CARM1: variants seen among roughly 807,000 people sequenced by gnomAD.
CARM1 encodes coactivator associated arginine methyltransferase 1, also known as histone-arginine methyltransferase CARM1.
CARM1 carries 14 observed loss-of-function variants against 72.7 expected under a neutral mutation model. The observed-to-expected ratio is 0.19, with a 90% CI of 0.13 to 0.30. CARM1 has a LOEUF of 0.30. CARM1 is among the 10% of genes least tolerant of loss of function. CARM1 has a pLI of 1.00. For synonymous variants in CARM1, 333 were observed against 345.5 expected (o/e 0.96, Z 0.40); for missense variants, 432 against 833.7 (o/e 0.52, Z 5.93).
intron 3 of CARM1, 139 bp from the exon 4 acceptor site, chr19:10,908,964 G>T (rs1264913936): frequency 1.2e-5 from 7 of 575,590 alleles, no homozygotes; most frequent in East Asian, 6.2e-5. Flanking sequence ...GCTGCTAGTG[G>T]GGCCCAGGCA....
At chr19:10,921,246 C>A in intron 14 of CARM1, 119 bp downstream of exon 14, 1 of 1,427,462 alleles carries the variant, frequency 7.0e-7, no homozygotes, top group Non-Finnish European at 9.8e-7. Flanking sequence ...TTTTCCTCTT[C>A]CTGGGGGCTC....
Position 10,912,108 on chromosome 19 carries a change from A to G in CARM1, c.559-76A>G, listed in dbSNP as rs1383226610. 9.8e-7 allele frequency: 1 copy of G among 1,015,350 alleles called. No individual in the cohort carries two copies. The highest frequency in any genetic ancestry group is 1.6e-5 in the African/African-American group (1 of 63,460). The allele number at this position is 1,015,350 out of a possible 1,614,324, so 62.9% of individuals were successfully genotyped here. On this transcript the variant is annotated intron_variant, in intron 4 of 15. Coordinates refer to ENST00000327064, the MANE Select transcript of CARM1 (RefSeq NM_199141.2). This position sits in a 1 kb window ranked among gnomAD's most constrained non-coding sequence, Gnocchi z 4.5. ...AAGACAGACGCCTCATGATGTGCAC[A>G]TCCCTTATGATCACTGTCACCTCCC... is the stretch of plus-strand genomic sequence containing the variant.
At position 10,908,149 on chromosome 19, in the gene CARM1, G is replaced by A. The variant is rs755185120; in HGVS notation, c.453+4G>A. The A allele has an allele frequency of 2.5e-6, 4 of 1,603,598 alleles. No homozygotes were observed. The highest frequency in any genetic ancestry group is 2.2e-5 in the South Asian group (2 of 90,822). Reference sequence around the variant, plus strand: ...TTCTGCCGTGCAGTACTTCCAGGTGGGTTGTACTCCCCCTCAGCCAGGCCG... The same window carrying A: ...TTCTGCCGTGCAGTACTTCCAGGTGAGTTGTACTCCCCCTCAGCCAGGCCG... On this transcript the variant is annotated splice_donor_region_variant and intron_variant, in intron 3 of 15. Transcript: ENST00000327064.
intron 4 of CARM1, among the ~76,000 whole-genome samples, chr19:10,911,303 C>G (rs983094790): frequency 2.0e-5 from 3 of 152,172 alleles, no homozygotes; most frequent in Non-Finnish European, 4.4e-5. Context: ...GTCACGCCCC[C>G]CTAGCATCGC....
At position 10,915,692 on chromosome 19, in the gene CARM1, C is replaced by A. The variant is rs993395558; in HGVS notation, c.848-715C>A. The stretch of plus-strand genomic sequence containing the variant: ...CACTGATACCTCAGGATCTCCTCCC[C>A]CAGCTTGCAAGGCTGGGGGGCCCAC... On this transcript the variant is annotated intron_variant, in intron 6 of 15. Coordinates refer to ENST00000327064, the MANE Select transcript of CARM1 (RefSeq NM_199141.2). The surrounding 1 kb of genome is among the most constrained non-coding windows in gnomAD (Gnocchi z 4.6). Among the ~76,000 whole-genome samples, 3 of 152,178 alleles carry A rather than the reference C, an allele frequency of 2.0e-5. No homozygotes were observed. Among genetic ancestry groups the A allele is most frequent in the Non-Finnish European group, 4.4e-5 (3 of 68,008 alleles).
At position 10,904,227 on chromosome 19, in the gene CARM1, G is replaced by C. The variant is rs367984862; in HGVS notation, c.221-724G>C. Reference sequence around the variant, plus strand: ...GTTGTCCCTTGAAGATGAGACTAGGGCAAACATTTTTGCCAAGAATACTAC... The same window carrying C: ...GTTGTCCCTTGAAGATGAGACTAGGCCAAACATTTTTGCCAAGAATACTAC... On this transcript the variant is annotated intron_variant, in intron 1 of 15. Transcript: ENST00000327064. Among the ~76,000 whole-genome samples, 7 of 152,348 alleles carry C rather than the reference G, an allele frequency of 4.6e-5. No homozygotes were observed. In the South Asian group the frequency reaches 8.3e-4, roughly 18 times the overall value.
At chr19:10,911,775 C>A (rs2074152443) in intron 4 of CARM1, among the ~76,000 whole-genome samples, 1 of 152,200 alleles carries the variant, frequency 6.6e-6, no homozygotes, top group Non-Finnish European at 1.5e-5. Context: ...CCTGCCCCAG[C>A]CAAGACGGGC....
rs756564519 is a variant in CARM1, at chr19:10,921,109, A to G, written c.1597A>G (p.Asn533Asp). The G allele has an allele frequency of 6.2e-7, 1 of 1,614,074 alleles. No homozygotes were observed. The highest frequency in any genetic ancestry group is 1.1e-5 in the South Asian group (1 of 91,074). ...VIASGSSVGHNNLIPLANTGI... is the reference protein window; with the variant it reads ...VIASGSSVGHDNLIPLANTGI... ...TGCCAGTGGCTCCAGCGTGGGCCACAACAACCTGATTCCTTTAGGTGAGTG... is the reference window on the plus strand; with the variant it reads ...TGCCAGTGGCTCCAGCGTGGGCCACGACAACCTGATTCCTTTAGGTGAGTG... The change falls in exon 14 of 16, where the codon AAC becomes GAC. Residue 533 changes from asparagine to aspartate, a missense_variant. Transcript: ENST00000327064.
Position 10,912,857 on chromosome 19 carries a change from C to CA in CARM1, c.669+564dup, listed in dbSNP as rs1251736116. Among the ~76,000 whole-genome samples the CA allele has an allele frequency of 6.6e-6, 1 of 152,206 alleles. No homozygotes were observed. The highest frequency in any genetic ancestry group is 1.5e-5 in the Non-Finnish European group (1 of 68,042). ...GCTGCATTGTGTCCGCAGCGACACT[C>CA]AGACTCCTTCCAGGTCTTCACGTGG... is the stretch of plus-strand genomic sequence containing the variant. On this transcript the variant is annotated intron_variant, in intron 5 of 15. Transcript: ENST00000327064. The surrounding 1 kb of genome is among the most constrained non-coding windows in gnomAD (Gnocchi z 4.5).
intron 4 of CARM1, among the ~76,000 whole-genome samples, chr19:10,910,000 G>A (rs1019068893): frequency 6.6e-6 from 1 of 152,214 alleles, no homozygotes; most frequent in African/African-American, 2.4e-5. Context: ...GGCCAAGGCA[G>A]GGGGATCATT....
chr19:10,873,632 T>TTG (rs2073838165), intron 1 of CARM1, among the ~76,000 whole-genome samples: 1 of 113,462 alleles, frequency 8.8e-6, no homozygotes, highest in African/African-American at 3.5e-5. Context: ...TAGTTTTTTT[T>TTG]TTTTTTTTTT....
chr19:10,902,245 C>G (rs1429965066), intron 1 of CARM1, among the ~76,000 whole-genome samples: 1 of 145,884 alleles, frequency 6.9e-6, no homozygotes, highest in East Asian at 2.0e-4. Context: ...GACTCCATCT[C>G]AAAAAATAAA....
At chr19:10,877,719 G>A (rs905425569) in intron 1 of CARM1, among the ~76,000 whole-genome samples, 4 of 151,544 alleles carry the variant, frequency 2.6e-5, no homozygotes, top group Non-Finnish European at 5.9e-5. Flanking sequence ...ACCGCACCCA[G>A]CCTGTGTTTT....
At position 10,917,788 on chromosome 19, in the gene CARM1, G is replaced by A. The variant is rs2074210320; in HGVS notation, c.1020+1011G>A. On this transcript the variant is annotated intron_variant, in intron 8 of 15. Coordinates refer to ENST00000327064, the MANE Select transcript of CARM1 (RefSeq NM_199141.2). ...GCTGGAGTGCTGTGGCATGATGTCA[G>A]CTCACTGCAACCTCCACTTTCCGGG... is the stretch of plus-strand genomic sequence containing the variant. Among the ~76,000 whole-genome samples, 6 of 146,598 alleles carry A rather than the reference G, an allele frequency of 4.1e-5. No homozygotes were observed. In the South Asian group the frequency reaches 1.3e-3, roughly 31 times the overall value.
intron 1 of CARM1, among the ~76,000 whole-genome samples, chr19:10,901,793 T>G (rs1482261673): frequency 6.6e-6 from 1 of 151,788 alleles, no homozygotes; most frequent in Non-Finnish European, 1.5e-5. Context: ...AATACAGAAA[T>G]TACTGGGTGT....
At chr19:10,891,348 C>T (rs997471043) in intron 1 of CARM1, among the ~76,000 whole-genome samples, 1 of 152,138 alleles carries the variant, frequency 6.6e-6, no homozygotes, top group African/African-American at 2.4e-5. Flanking sequence ...TGGCAGAGCT[C>T]AGGTTCAAAC....
intron 1 of CARM1, among the ~76,000 whole-genome samples, chr19:10,879,252 A>C (rs137965576): frequency 7.2e-5 from 11 of 152,290 alleles, no homozygotes; most frequent in Admixed American, 2.0e-4. Context: ...TTTGTTAAGA[A>C]AGGTTCCCGG....
intron 1 of CARM1, 130 bp from the exon 2 acceptor site, chr19:10,904,818 GGGT>G: frequency 8.4e-7 from 1 of 1,185,902 alleles, no homozygotes; most frequent in East Asian, 2.4e-5. Flanking sequence ...AATGCTGCCA[GGGT>G]GGTTTTGTGG....
chr19:10,875,870 ATGTC>A (rs1269935821), intron 1 of CARM1, among the ~76,000 whole-genome samples: 1 of 149,112 alleles, frequency 6.7e-6, no homozygotes, highest in African/African-American at 2.5e-5. Context: ...TACAACTTGG[ATGTC>A]TGTCTTTTTT....
Sources: allele counts gnomAD v4.1 joint callset (sites outside exome capture counted in the v4.1 genomes callset), GRCh38; gene constraint gnomAD v4.1.1; non-coding constraint Gnocchi (gnomAD v3.1); transcripts MANE v1.5; gene names NCBI Gene and HGNC (gene_info 2026-07-23, HGNC 2026-07-21).